The following SPIB variants were observed in gnomAD, a reference collection of about 807,000 sequenced individuals.
SPIB encodes the protein transcription factor Spi-B.
In SPIB, 7 loss-of-function variants were observed where a neutral mutation model predicts 31.9. The observed-to-expected ratio is 0.22, with a 90% CI of 0.12 to 0.41. The LOEUF (loss-of-function observed/expected upper bound fraction) is 0.41, where lower values mean the gene tolerates loss of function less well. Ranked by LOEUF, SPIB falls within the 10% of genes least tolerant of loss-of-function variation. The pLI, the probability that SPIB is intolerant of heterozygous loss-of-function variation, is 1.00. For missense variants in SPIB, 327 were observed against 360.2 expected (o/e 0.91, Z 0.75); for synonymous variants, 176 against 158.9 (o/e 1.11, Z -0.81).
At chr19:50,422,773 G>A in intron 3 of SPIB, 50 bp from the exon 4 acceptor site, 1 of 1,284,530 alleles carries the variant, frequency 7.8e-7, no homozygotes, top group Non-Finnish European at 1.1e-6. Context: ...TCGACTGCGA[G>A]GAGGCCTCCG....
At chr19:50,423,115 A>G in intron 4 of SPIB, 78 bp downstream of exon 4, 1 of 646,906 alleles carries the variant, frequency 1.5e-6, no homozygotes, top group South Asian at 2.4e-5. Flanking sequence ...GCTGCTTGAG[A>G]GGCTGAGGTG....
rs375771194 is a variant in SPIB, at chr19:50,425,937, A to C, written c.491-2101A>C. 2.4e-4 allele frequency among the ~76,000 whole-genome samples: 37 copies of C among 152,126 alleles called. No homozygotes were observed. The South Asian group carries it at 7.3e-3, about 30-fold the overall frequency. ...TAATTGGTGGGTTCAGGCCAGGCACAGTGGCTCATGCCTATAATCCCAGCA... is the reference window on the plus strand; with the variant it reads ...TAATTGGTGGGTTCAGGCCAGGCACCGTGGCTCATGCCTATAATCCCAGCA... On this transcript the variant is annotated intron_variant, in intron 5 of 5. Coordinates refer to ENST00000595883, the MANE Select transcript of SPIB (RefSeq NM_003121.5).
chr19:50,419,050 A>G, intron 1 of SPIB, 65 bp downstream of exon 1: 5 of 1,530,110 alleles, frequency 3.3e-6, no homozygotes, highest in Non-Finnish European at 4.4e-6. Flanking sequence ...GTGGGGCCTC[A>G]CCCATGGGCA....
intron 1 of SPIB, 31 bp from the exon 2 acceptor site, chr19:50,419,915 T>C: frequency 6.5e-7 from 1 of 1,536,618 alleles, no homozygotes; most frequent in Non-Finnish European, 8.7e-7. Flanking sequence ...GGAGGCAGCC[T>C]CAGCATGCCC....
intron 5 of SPIB, among the ~76,000 whole-genome samples, chr19:50,424,800 G>GA (rs1023690101): frequency 1.4e-5 from 2 of 143,728 alleles, no homozygotes; most frequent in Non-Finnish European, 1.5e-5. Context: ...AAAAAAGAAA[G>GA]AAAAAAAAAT....
intron 3 of SPIB, 134 bp from the exon 4 acceptor site, chr19:50,422,689 C>A: frequency 9.4e-7 from 1 of 1,060,746 alleles, no homozygotes; most frequent in Non-Finnish European, 1.4e-6. Flanking sequence ...CCTCTCCTAC[C>A]CATCCGCTCC....
At position 50,426,063 on chromosome 19, in the gene SPIB, G is replaced by C. The variant is rs8102583; in HGVS notation, c.491-1975G>C. Among the ~76,000 whole-genome samples, 482 of 152,174 alleles carry C rather than the reference G, an allele frequency of 3.2e-3. 1 individual carries two copies. The highest frequency in any genetic ancestry group is 0.011 in the African/African-American group (450 of 41,500). ...GTCTCTACTAAAAATACAAAAATTAGCTGGGCCTGGTGGTGCACGCCTGTA... is the reference window on the plus strand; with the variant it reads ...GTCTCTACTAAAAATACAAAAATTACCTGGGCCTGGTGGTGCACGCCTGTA... On this transcript the variant is annotated intron_variant, in intron 5 of 5. Transcript: ENST00000595883.
intron 2 of SPIB, 141 bp downstream of exon 2, chr19:50,420,114 A>G (rs2039475582): frequency 3.1e-6 from 2 of 655,052 alleles, no homozygotes; most frequent in Non-Finnish European, 2.3e-6. Flanking sequence ...ATCTCCTGCT[A>G]CCCCGCATCC....
chr19:50,425,996 G>A (rs1019755685), intron 5 of SPIB, among the ~76,000 whole-genome samples: 3 of 152,032 alleles, frequency 2.0e-5, no homozygotes, highest in Non-Finnish European at 4.4e-5. Context: ...ATCACCTAAC[G>A]TCAGGAGTTC....
chr19:50,430,850 G>A lies in SPIB; in HGVS notation c.*2514G>A, dbSNP rs1209806639. 2.0e-5 allele frequency: 3 copies of A among 152,304 alleles called. No individual in the cohort carries two copies. The highest frequency in any genetic ancestry group is 2.9e-5 in the Non-Finnish European group (2 of 68,128). 9.4% of individuals were successfully genotyped at this position (152,304 alleles called of 1,614,324 possible). A position where few individuals can be genotyped will look rare whatever the true frequency, so the allele number is the denominator to read the frequency against. On this transcript the variant is annotated 3_prime_UTR_variant, in exon 6 of 6. Transcript: ENST00000595883. ...GAATGCCAATGACCTAGAGACACGA[G>A]AAGTCCATGTGGAGGCACACAGCAG...
chr19:50,428,301 G>A lies in SPIB; in HGVS notation c.754G>A (p.Asp252Asn), dbSNP rs770357707. Reference protein sequence around the residue: ...KVKRKLTYQFDSALLPAVRRA With the variant: ...KVKRKLTYQFNSALLPAVRRA ...CAAGCGCAAGCTCACCTACCAGTTC[G>A]ACAGCGCGCTGCTGCCTGCAGTCCG... Residue 252 changes from aspartate to asparagine, a missense_variant, in exon 6 of 6, where the codon GAC becomes AAC. Asp to Asn is a conservative substitution (Grantham distance 23). Transcript: ENST00000595883. This position sits in a 1 kb window ranked among gnomAD's most constrained non-coding sequence, Gnocchi z 6.5. 7.7e-6 allele frequency: 12 copies of A among 1,550,228 alleles called. No homozygotes were observed. The highest frequency in any genetic ancestry group is 2.0e-5 in the Admixed American group (1 of 50,946).
chr19:50,422,867 C>G lies in SPIB; in HGVS notation c.169C>G (p.Pro57Ala). The G allele has an allele frequency of 6.2e-7, 1 of 1,609,008 alleles. No homozygotes were observed. The highest frequency in any genetic ancestry group is 1.1e-5 in the South Asian group (1 of 90,540). The change falls in exon 4 of 6, where the codon CCC becomes GCC. Residue 57 changes from proline (P) to alanine (A), a missense_variant. Coordinates refer to ENST00000595883, the MANE Select transcript of SPIB (RefSeq NM_003121.5). ...WTVAPPVPAT[P>A]YEAFDPAAAA... ...TGTGGCCCCACCTGTCCCAGCCACCCCCTATGAAGCCTTCGACCCGGCAGC... is the reference window on the plus strand; with the variant it reads ...TGTGGCCCCACCTGTCCCAGCCACCGCCTATGAAGCCTTCGACCCGGCAGC...
At chr19:50,419,900 T>C in intron 1 of SPIB, 46 bp from the exon 2 acceptor site, 1 of 1,526,600 alleles carries the variant, frequency 6.6e-7, no homozygotes, top group Non-Finnish European at 8.8e-7. Context: ...GAGATTCAGG[T>C]GGCTGGAGGC....
rs745761220 is a variant in SPIB at position 50,423,075 on chromosome 19, C to A, written c.339+38C>A. 1.2e-5 allele frequency: 13 copies of A among 1,043,944 alleles called. 1 individual carries two copies. Among genetic ancestry groups the A allele is most frequent in the Non-Finnish European group, 1.8e-5 (13 of 708,914 alleles). The allele number at this position is 1,043,944 out of a possible 1,614,324, so 64.7% of individuals were successfully genotyped here. ...GGGACAGTTAAAATCAAGCCCAAACCAGGTGTGGTGGTGCACGCCTGTAAT... is the reference window on the plus strand; with the variant it reads ...GGGACAGTTAAAATCAAGCCCAAACAAGGTGTGGTGGTGCACGCCTGTAAT... On this transcript the variant is annotated intron_variant, in intron 4 of 5. Coordinates refer to ENST00000595883, the MANE Select transcript of SPIB (RefSeq NM_003121.5).
In SPIB at chr19:50,428,323, T is replaced by C. The variant is rs1400507758; in HGVS notation, c.776T>C (p.Val259Ala). The C allele has an allele frequency of 6.5e-7, 1 of 1,547,730 alleles. No homozygotes were observed. The highest frequency in any genetic ancestry group is 2.0e-5 in the Admixed American group (1 of 50,808). The change falls in exon 6 of 6, where the codon GTC becomes GCC. Residue 259 changes from valine to alanine, a missense_variant. Coordinates refer to ENST00000595883, the MANE Select transcript of SPIB (RefSeq NM_003121.5). The surrounding 1 kb of genome is among the most constrained non-coding windows in gnomAD (Gnocchi z 6.5). ...TTCGACAGCGCGCTGCTGCCTGCAG[T>C]CCGCCGGGCCTGAGCACACCCGAGG... ...YQFDSALLPA[V>A]RRA
At chr19:50,423,983 C>T (rs1210985879) in intron 5 of SPIB, among the ~76,000 whole-genome samples, 2 of 152,094 alleles carry the variant, frequency 1.3e-5, no homozygotes, top group South Asian at 2.1e-4. Flanking sequence ...CTCCTGAGGT[C>T]GTTGGGGGGA....
intron 2 of SPIB, among the ~76,000 whole-genome samples, chr19:50,422,008 C>A (rs575187948): frequency 6.6e-6 from 1 of 152,272 alleles, no homozygotes; most frequent in Admixed American, 6.5e-5. Flanking sequence ...CCTCGGCCCC[C>A]CAAAGTGTTG....
In SPIB at chr19:50,428,507, C is replaced by A. The variant is rs538412714; in HGVS notation, c.*171C>A. 2.7e-6 allele frequency: 2 copies of A among 754,226 alleles called. No homozygotes were observed. The highest frequency in any genetic ancestry group is 6.9e-5 in the Admixed American group (2 of 29,170). The allele number at this position is 754,226 out of a possible 1,614,324, so 46.7% of individuals were successfully genotyped here. On this transcript the variant is annotated 3_prime_UTR_variant, in exon 6 of 6. Coordinates refer to ENST00000595883, the MANE Select transcript of SPIB (RefSeq NM_003121.5). The surrounding 1 kb of genome is among the most constrained non-coding windows in gnomAD (Gnocchi z 6.5). ...CCATAATCCCCAAGCCCAGCCCGGGCCTGTCTGGGATTCCCCACTTGTGCC... is the reference window on the plus strand; with the variant it reads ...CCATAATCCCCAAGCCCAGCCCGGGACTGTCTGGGATTCCCCACTTGTGCC...
intron 2 of SPIB, among the ~76,000 whole-genome samples, chr19:50,421,852 T>C (rs1601261125): frequency 6.6e-6 from 1 of 152,106 alleles, no homozygotes; most frequent in African/African-American, 2.4e-5. Flanking sequence ...TGACCTCAGG[T>C]GATTCACTGG....
Sources: gnomAD v4.1 joint callset for allele counts (sites outside exome capture counted in the v4.1 genomes callset) on GRCh38, gnomAD v4.1.1 for gene constraint, Gnocchi (gnomAD v3.1) non-coding constraint, MANE v1.5 for transcripts, NCBI Gene and HGNC (gene_info 2026-07-23, HGNC 2026-07-21) for gene names.